CHD6: variants seen among roughly 807,000 people sequenced by gnomAD.
The protein encoded by CHD6 is chromodomain helicase DNA binding protein 6.
CHD6 carries 50 observed loss-of-function variants against 276.9 expected under a neutral mutation model. That is an observed-to-expected ratio of 0.18 (90% CI 0.14 to 0.23). CHD6 has a LOEUF of 0.23. Ranked by LOEUF, CHD6 falls within the 10% of genes least tolerant of loss-of-function variation. The probability of loss-of-function intolerance (pLI) is 1.00; values close to 1 mark genes in which losing one functional copy is unlikely to be tolerated. For missense variants in CHD6, 2,564 were observed against 3,365.8 expected (o/e 0.76, Z 5.89); for synonymous variants, 1,173 against 1,229.3 (o/e 0.95, Z 0.96).
At chr20:41,548,969 C>T (rs969083942) in intron 2 of CHD6, among the ~76,000 whole-genome samples, 6 of 152,068 alleles carry the variant, frequency 3.9e-5, no homozygotes, top group Non-Finnish European at 8.8e-5. Context: ...GTTAGAATGG[C>T]GTTCATTAAA....
At chr20:41,535,265 T>G (rs1220915260) in intron 2 of CHD6, among the ~76,000 whole-genome samples, 1 of 152,122 alleles carries the variant, frequency 6.6e-6, no homozygotes, top group African/African-American at 2.4e-5. Flanking sequence ...CAGCTAACAT[T>G]TATTGAAAAC....
chr20:41,450,287 CT>C (rs1569090967), intron 23 of CHD6, among the ~76,000 whole-genome samples: 1 of 152,154 alleles, frequency 6.6e-6, no homozygotes, highest in East Asian at 1.9e-4. Flanking sequence ...ACCAGGAATG[CT>C]GGGAAGATAA....
At chr20:41,588,961 A>C (rs2045626278) in intron 1 of CHD6, among the ~76,000 whole-genome samples, 1 of 152,102 alleles carries the variant, frequency 6.6e-6, no homozygotes, top group Admixed American at 6.5e-5. Flanking sequence ...CGATGCAAAA[A>C]TCCTCAATAA....
At position 41,473,131 on chromosome 20, in the gene CHD6, T is replaced by A; in HGVS notation, c.2664+191A>T. 1.9e-6 allele frequency: 1 copy of A among 527,948 alleles called. No homozygotes were observed. Among genetic ancestry groups the A allele is most frequent in the Non-Finnish European group, 3.3e-6 (1 of 298,742 alleles). The allele number at this position is 527,948 out of a possible 1,614,324, so 32.7% of individuals were successfully genotyped here. ...TTTGATTTAACGGAAAGAACCACAC[T>A]CTCTAATTAGTTGGAAGGGTCGACA... is the stretch of plus-strand genomic sequence containing the variant. On this transcript the variant is annotated intron_variant, in intron 17 of 36. Coordinates refer to ENST00000373233, the MANE Select transcript of CHD6 (RefSeq NM_032221.5). This position sits in a 1 kb window ranked among gnomAD's most constrained non-coding sequence, Gnocchi z 4.1.
chr20:41,461,078 C>A (rs2048531924), intron 17 of CHD6, among the ~76,000 whole-genome samples: 1 of 152,246 alleles, frequency 6.6e-6, no homozygotes, highest in Admixed American at 6.5e-5. Context: ...GGATTTTGGA[C>A]TTCCATGGGC....
At chr20:41,566,512 T>A (rs933109598) in intron 1 of CHD6, among the ~76,000 whole-genome samples, 1 of 152,134 alleles carries the variant, frequency 6.6e-6, no homozygotes, top group South Asian at 2.1e-4. Flanking sequence ...CCTTCCCCAC[T>A]CTGCTCCTGT....
At chr20:41,544,650 C>T (rs528311393) in intron 2 of CHD6, among the ~76,000 whole-genome samples, 19 of 150,076 alleles carry the variant, frequency 1.3e-4, no homozygotes, top group African/African-American at 3.4e-4. Flanking sequence ...ATTAATCATA[C>T]TATAAATATT....
chr20:41,419,723 GT>G (rs1015601302), intron 31 of CHD6, among the ~76,000 whole-genome samples: 2 of 151,962 alleles, frequency 1.3e-5, no homozygotes, highest in Non-Finnish European at 1.5e-5. Flanking sequence ...GAAAGGAGTT[GT>G]TTTTGGTTTT....
In CHD6 at chr20:41,404,620, G is replaced by T. The variant is rs1446817582; in HGVS notation, c.8121C>A (p.Leu2707=). The change falls in exon 37 of 37, where the codon CTC becomes CTA. Residue 2707 remains leucine, a synonymous_variant. Transcript: ENST00000373233. ...EHGAQAGEGA[L]KDSNNDTN ...AATTGGTGTCGTTGTTGGAGTCTTT[G>T]AGTGCCCCCTCCCCAGCCTGTGCCC... 1.3e-6 allele frequency: 2 copies of T among 1,499,000 alleles called. No homozygotes were observed. The highest frequency in any genetic ancestry group is 2.9e-5 in the South Asian group (2 of 69,534). The allele number at this position is 1,499,000 out of a possible 1,614,324, so 92.9% of individuals were successfully genotyped here. A position where few individuals can be genotyped will look rare whatever the true frequency, so the allele number is the denominator to read the frequency against.
chr20:41,443,082 G>GT (rs1281103596), intron 25 of CHD6, among the ~76,000 whole-genome samples: 1 of 152,210 alleles, frequency 6.6e-6, no homozygotes, highest in African/African-American at 2.4e-5. Context: ...CCCCTCAGCT[G>GT]TAACTGTAAA....
chr20:41,461,237 G>A (rs1218793905), intron 17 of CHD6, among the ~76,000 whole-genome samples: 2 of 152,192 alleles, frequency 1.3e-5, no homozygotes, highest in East Asian at 3.8e-4. Flanking sequence ...ATGAGACTTT[G>A]GACTGTGGAC....
intron 5 of CHD6, among the ~76,000 whole-genome samples, chr20:41,506,802 G>A (rs1286007748): frequency 6.6e-6 from 1 of 152,160 alleles, no homozygotes; most frequent in Admixed American, 6.6e-5. Context: ...AGGAATTTCT[G>A]TCCCTTTTGT....
rs1165743582 is a variant in CHD6 at position 41,416,633 on chromosome 20, T to C, written c.6441A>G (p.Glu2147=). ...ATGCTGCGCCGTTGCTGAAGCTGTG[T>C]TCTGCTGCTTCCGGCTCTGAGAGGC... The part of the protein sequence containing the change: ...RTSLSEPEAA[E]HSFSNGAALA... The change falls in exon 33 of 37, where the codon GAA becomes GAG. Residue 2147 remains glutamate (E), a synonymous_variant. Coordinates refer to ENST00000373233, the MANE Select transcript of CHD6 (RefSeq NM_032221.5). 19 of 1,613,902 alleles carry C rather than the reference T, an allele frequency of 1.2e-5. No individual in the cohort carries two copies. The highest frequency in any genetic ancestry group is 2.2e-5 in the East Asian group (1 of 44,886).
intron 1 of CHD6, among the ~76,000 whole-genome samples, chr20:41,573,277 G>C (rs2045438710): frequency 6.6e-6 from 1 of 152,170 alleles, no homozygotes; most frequent in South Asian, 2.1e-4. Flanking sequence ...TAAATTCTAT[G>C]AAGTTTGAGG....
intron 2 of CHD6, 78 bp from the exon 3 acceptor site, chr20:41,533,648 A>C (rs752949054): frequency 3.9e-6 from 5 of 1,294,516 alleles, no homozygotes; most frequent in Middle Eastern, 2.1e-4. Context: ...GTTTGAATAC[A>C]TGGATTTGCT....
At chr20:41,475,583 C>G (rs945423841) in intron 16 of CHD6, among the ~76,000 whole-genome samples, 51 of 152,250 alleles carry the variant, frequency 3.3e-4, no homozygotes, top group Non-Finnish European at 7.1e-4. Flanking sequence ...AGAAGTTTAG[C>G]CATGTATGTG....
At chr20:41,494,034 T>C in intron 8 of CHD6, 90 bp from the exon 9 acceptor site, 1 of 832,414 alleles carries the variant, frequency 1.2e-6, no homozygotes, top group South Asian at 1.6e-5. Context: ...ATCCCTACTC[T>C]AGGCCCTATC....
chr20:41,405,548 A>G, intron 36 of CHD6, 59 bp from the exon 37 acceptor site: 5 of 1,352,904 alleles, frequency 3.7e-6, no homozygotes, highest in East Asian at 2.3e-5. Flanking sequence ...TGGTCAGCTG[A>G]GGGTGATGAC....
At chr20:41,408,343 G>A (rs2046741873) in intron 36 of CHD6, among the ~76,000 whole-genome samples, 1 of 152,164 alleles carries the variant, frequency 6.6e-6, no homozygotes, top group Admixed American at 6.5e-5. Context: ...TTCCCAGCAT[G>A]ACCTGCCACT....
Sources: allele counts gnomAD v4.1 joint callset (sites outside exome capture counted in the v4.1 genomes callset), GRCh38; gene constraint gnomAD v4.1.1; non-coding constraint Gnocchi (gnomAD v3.1); transcripts MANE v1.5; gene names NCBI Gene and HGNC (gene_info 2026-07-23, HGNC 2026-07-21).